Variants in SLC2A9 observed in about 807,000 individuals in gnomAD.
SLC2A9 encodes the protein solute carrier family 2, facilitated glucose transporter member 9.
In SLC2A9, 39 loss-of-function variants were observed where a neutral mutation model predicts 50.6. The observed-to-expected ratio is 0.77, with a 90% CI of 0.60 to 1.01. The LOEUF (loss-of-function observed/expected upper bound fraction) is 1.01, where lower values mean the gene tolerates loss of function less well. Among genes scored for constraint, SLC2A9 ranks in the 50% least tolerant of loss-of-function variants. SLC2A9 has a pLI of 0.00. For synonymous variants in SLC2A9, 324 were observed against 276.9 expected (o/e 1.17, Z -1.69); for missense variants, 686 against 677.6 (o/e 1.01, Z -0.14).
chr4:9,891,809 G>T (rs1021544173), intron 8 of SLC2A9, among the ~76,000 whole-genome samples: 1 of 152,218 alleles, frequency 6.6e-6, no homozygotes, highest in African/African-American at 2.4e-5. Context: ...AGGGATTAGT[G>T]GGGGAAAAGG....
chr4:10,035,192 T>C (rs1764059513), intron 1 of SLC2A9: 1 of 152,256 alleles, frequency 6.6e-6, no homozygotes, highest in East Asian at 1.9e-4. Context: ...CTAAGCTGCA[T>C]CCTAGGCACC....
downstream of SLC2A9, among the ~76,000 whole-genome samples, chr4:9,821,682 A>G (rs1478581223): frequency 6.6e-6 from 1 of 152,214 alleles, no homozygotes; most frequent in East Asian, 1.9e-4. Context: ...TTTATGACAA[A>G]TATTGGTCTG....
At chr4:9,813,896 G>C (rs997352853) in intron 3 of SLC2A9, among the ~76,000 whole-genome samples, 1 of 152,042 alleles carries the variant, frequency 6.6e-6, no homozygotes, top group African/African-American at 2.4e-5. Flanking sequence ...AGGAATTCAA[G>C]ACCAGCCTGG....
At chr4:9,837,035 T>C (rs967261063) in intron 10 of SLC2A9, among the ~76,000 whole-genome samples, 1 of 152,204 alleles carries the variant, frequency 6.6e-6, no homozygotes, top group African/African-American at 2.4e-5. Flanking sequence ...CACCCCACTA[T>C]GATGCCAGCA....
intron 10 of SLC2A9, among the ~76,000 whole-genome samples, chr4:9,840,620 A>G (rs929055901): frequency 2.6e-5 from 4 of 152,296 alleles, no homozygotes; most frequent in East Asian, 3.9e-4. Context: ...TTGATGTTAA[A>G]TGTTCTGTGA....
chr4:9,870,882 C>G (rs1214538612), intron 10 of SLC2A9, among the ~76,000 whole-genome samples: 2 of 152,070 alleles, frequency 1.3e-5, no homozygotes, highest in East Asian at 3.9e-4. Flanking sequence ...GTGAGTGTGG[C>G]CAAGTATCTA....
At chr4:9,878,396 G>A (rs1277379178) in intron 10 of SLC2A9, among the ~76,000 whole-genome samples, 4 of 152,030 alleles carry the variant, frequency 2.6e-5, no homozygotes, top group African/African-American at 7.2e-5. Context: ...TGCAGGCTGA[G>A]TTCAGTCACC....
chr4:10,016,500 G>A (rs1307026650), intron 2 of SLC2A9, among the ~76,000 whole-genome samples: 1 of 152,156 alleles, frequency 6.6e-6, no homozygotes, highest in Non-Finnish European at 1.5e-5. Context: ...TACTGATGCT[G>A]CCATAATATG....
At chr4:9,884,339 T>C (rs997011977) in intron 10 of SLC2A9, among the ~76,000 whole-genome samples, 5 of 152,224 alleles carry the variant, frequency 3.3e-5, no homozygotes, top group Non-Finnish European at 4.4e-5. Context: ...GCTGCCATCA[T>C]AGCTCATTGT....
intron 3 of SLC2A9, among the ~76,000 whole-genome samples, chr4:9,799,700 C>CCCCACCCCCCAACCTCA (rs1553813199): frequency 1.1e-5 from 1 of 93,636 alleles, no homozygotes; most frequent in Non-Finnish European, 2.1e-5. Context: ...GTACCCCCCC[C>CCCCACCCCCCAACCTCA]CCACCCAACT....
chr4:9,915,712 T>G (rs890749573), intron 7 of SLC2A9, among the ~76,000 whole-genome samples: 12 of 152,278 alleles, frequency 7.9e-5, no homozygotes, highest in Admixed American at 5.9e-4. Flanking sequence ...CAGTTCAGGG[T>G]GGCCATATGG....
At chr4:9,878,532 A>G (rs1734657205) in intron 10 of SLC2A9, among the ~76,000 whole-genome samples, 1 of 152,114 alleles carries the variant, frequency 6.6e-6, no homozygotes, top group Non-Finnish European at 1.5e-5. Flanking sequence ...GTGTATCCAC[A>G]GAGGGCATGA....
At chr4:9,832,821 C>T (rs1726391829) in intron 11 of SLC2A9, among the ~76,000 whole-genome samples, 1 of 152,164 alleles carries the variant, frequency 6.6e-6, no homozygotes, top group Admixed American at 6.5e-5. Context: ...GTGGAGCACT[C>T]TGGGCACACA....
At chr4:9,818,270 C>G (rs1489110324) in intron 3 of SLC2A9, among the ~76,000 whole-genome samples, 2 of 152,284 alleles carry the variant, frequency 1.3e-5, no homozygotes, top group South Asian at 2.1e-4. Flanking sequence ...AACTTCTGCC[C>G]TTTTTACTCA....
chr4:9,927,255 G>T (rs1234538135), intron 6 of SLC2A9, among the ~76,000 whole-genome samples: 1 of 152,206 alleles, frequency 6.6e-6, no homozygotes, highest in Non-Finnish European at 1.5e-5. Flanking sequence ...GACCTCAGGT[G>T]ATCCACCCGC....
intron 4 of SLC2A9, among the ~76,000 whole-genome samples, chr4:9,981,564 C>T (rs1466642502): frequency 3.3e-5 from 5 of 152,142 alleles, no homozygotes; most frequent in Non-Finnish European, 7.4e-5. Context: ...CAAGTAATGT[C>T]CAGAGATGTT....
intron 3 of SLC2A9, among the ~76,000 whole-genome samples, chr4:9,987,046 G>C (rs955566605): frequency 6.6e-6 from 1 of 152,212 alleles, no homozygotes; most frequent in African/African-American, 2.4e-5. Flanking sequence ...ATGACCCAAA[G>C]AGATAGGTAC....
At chr4:10,018,298 A>C (rs1193383824) in intron 2 of SLC2A9, among the ~76,000 whole-genome samples, 1 of 152,220 alleles carries the variant, frequency 6.6e-6, no homozygotes, top group African/African-American at 2.4e-5. Context: ...TAATCCCAGC[A>C]CTTTGGGAGG....
intron 2 of SLC2A9, among the ~76,000 whole-genome samples, chr4:10,004,717 C>T (rs1393395846): frequency 6.6e-6 from 1 of 152,212 alleles, no homozygotes; most frequent in African/African-American, 2.4e-5. Context: ...ATCAACGTAA[C>T]TACAGAGCCC....
Sources: allele counts gnomAD v4.1 joint callset (sites outside exome capture counted in the v4.1 genomes callset), GRCh38; gene constraint gnomAD v4.1.1; transcripts MANE v1.5; gene names NCBI Gene and HGNC (gene_info 2026-07-23, HGNC 2026-07-21).